TOMM40: variants seen among roughly 807,000 people sequenced by gnomAD.
TOMM40 encodes translocase of outer mitochondrial membrane 40.
In TOMM40, 9 loss-of-function variants were observed where a neutral mutation model predicts 38.4. That is an observed-to-expected ratio of 0.23 (90% CI 0.14 to 0.41). TOMM40 has a LOEUF of 0.41. Ranked by LOEUF, TOMM40 falls within the 10% of genes least tolerant of loss-of-function variation. TOMM40 has a pLI of 1.00. For missense variants in TOMM40, 299 were observed against 486.5 expected (o/e 0.61, Z 3.63); for synonymous variants, 184 against 210.0 (o/e 0.88, Z 1.07).
At chr19:44,901,001 C>T (rs1470746421) in intron 6 of TOMM40, 27 bp from the exon 7 acceptor site, 7 of 1,613,408 alleles carry the variant, frequency 4.3e-6, no homozygotes, top group Middle Eastern at 1.7e-4. Context: ...GGTAATGAGA[C>T]CCCGCCTCCA....
chr19:44,895,889 G>A (rs1307883968), intron 5 of TOMM40, among the ~76,000 whole-genome samples: 1 of 152,090 alleles, frequency 6.6e-6, no homozygotes, highest in East Asian at 1.9e-4. Context: ...CCACCGAGTT[G>A]GTTCTACCCC....
At chr19:44,896,781 A>G (rs934293296) in intron 5 of TOMM40, among the ~76,000 whole-genome samples, 2 of 152,158 alleles carry the variant, frequency 1.3e-5, no homozygotes, top group Non-Finnish European at 2.9e-5. Context: ...CAGGTCAGGC[A>G]CAGTGGCTCA....
At chr19:44,898,660 C>A (rs1969617575) in intron 5 of TOMM40, among the ~76,000 whole-genome samples, 1 of 151,594 alleles carries the variant, frequency 6.6e-6, no homozygotes, top group Admixed American at 6.6e-5. Flanking sequence ...GCCTCAGCCT[C>A]CTGAGTAGCT....
At chr19:44,895,025 C>T (rs755023992) in intron 5 of TOMM40, among the ~76,000 whole-genome samples, 1 of 152,130 alleles carries the variant, frequency 6.6e-6, no homozygotes, top group Non-Finnish European at 1.5e-5. Flanking sequence ...GGCGATGACT[C>T]TGTAGTTTTT....
Position 44,901,224 on chromosome 19 carries a change from A to T in TOMM40, c.860A>T (p.Glu287Val). The change falls in exon 8 of 9, where the codon GAG (glutamate) becomes GTG (valine). Residue 287 changes from glutamate to valine, a missense_variant. Physicochemically the swap from Glu to Val is moderately radical, Grantham distance 121. Coordinates refer to ENST00000426677, the MANE Select transcript of TOMM40 (RefSeq NM_001128917.2). Reference sequence around the variant, plus strand: ...CCCCTCCAGCTGCAGGTGGGTGTGGAGTTTGAGGCCAGCACAAGGATGCAG... The same window carrying T: ...CCCCTCCAGCTGCAGGTGGGTGTGGTGTTTGAGGCCAGCACAAGGATGCAG... ...KASDQLQVGV[E>V]FEASTRMQDT... 6.2e-7 allele frequency: 1 copy of T among 1,614,054 alleles called. No homozygotes were observed. The highest frequency in any genetic ancestry group is 8.5e-7 in the Non-Finnish European group (1 of 1,179,976).
intron 5 of TOMM40, 100 bp downstream of exon 5, chr19:44,894,166 A>G: frequency 1.1e-6 from 1 of 883,478 alleles, no homozygotes; most frequent in Non-Finnish European, 1.7e-6. Context: ...CCACTGGAGA[A>G]GTGGCTCAGC....
chr19:44,903,374 G>C lies in TOMM40; in HGVS notation c.*205G>C. 1.8e-6 allele frequency: 1 copy of C among 550,676 alleles called. No homozygotes were observed. The highest frequency in any genetic ancestry group is 3.1e-6 in the Non-Finnish European group (1 of 323,252). The allele number at this position is 550,676 out of a possible 1,614,324, so 34.1% of individuals were successfully genotyped here. A position where few individuals can be genotyped will look rare whatever the true frequency, so the allele number is the denominator to read the frequency against. ...GGCGCTTCGGGATTCTGAGTAGCAG[G>C]GGCAGCATGCCCAGTGGGCCTGGGG... is the stretch of plus-strand genomic sequence containing the variant. On this transcript the variant is annotated 3_prime_UTR_variant, in exon 9 of 9. Transcript: ENST00000426677.
Position 44,893,942 on chromosome 19 carries a change from C to T in TOMM40, c.538-19C>T. On this transcript the variant is annotated intron_variant, in intron 4 of 8. Coordinates refer to ENST00000426677, the MANE Select transcript of TOMM40 (RefSeq NM_001128917.2). ...CACCGTGAGCAGGGAGCCGCCCTCACACCCCCTCCTCTCCACAGACCCAGC... is the reference window on the plus strand; with the variant it reads ...CACCGTGAGCAGGGAGCCGCCCTCATACCCCCTCCTCTCCACAGACCCAGC... 1 of 1,593,764 alleles carries T rather than the reference C, an allele frequency of 6.3e-7. No homozygotes were observed. Among genetic ancestry groups the T allele is most frequent in the Admixed American group, 1.7e-5 (1 of 58,676 alleles).
chr19:44,896,910 G>A (rs1294549733), intron 5 of TOMM40, among the ~76,000 whole-genome samples: 2 of 152,152 alleles, frequency 1.3e-5, no homozygotes, highest in African/African-American at 4.8e-5. Flanking sequence ...TTAGAAATTA[G>A]GCATATGGTG....
At position 44,901,056 on chromosome 19, in the gene TOMM40, G is replaced by T. The variant is rs762515716; in HGVS notation, c.795G>T (p.Leu265Phe). Residue 265 changes from leucine to phenylalanine, a missense_variant, in exon 7 of 9, where the codon TTG becomes TTT. Coordinates refer to ENST00000426677, the MANE Select transcript of TOMM40 (RefSeq NM_001128917.2). Reference sequence around the variant, plus strand: ...ACAACTGGTTGGCAACGGTAACGTTGGGCCAGGCGGGCATGCACGCAACAT... The same window carrying T: ...ACAACTGGTTGGCAACGGTAACGTTTGGCCAGGCGGGCATGCACGCAACAT... ...TLNNWLATVT[L>F]GQAGMHATYY... 8 of 1,614,252 alleles carry T rather than the reference G, an allele frequency of 5.0e-6. No individual in the cohort carries two copies. In the Admixed American group the frequency reaches 1.2e-4, roughly 24 times the overall value.
At chr19:44,898,433 C>A (rs567337864) in intron 5 of TOMM40, among the ~76,000 whole-genome samples, 6 of 151,838 alleles carry the variant, frequency 4.0e-5, no homozygotes, top group Non-Finnish European at 5.9e-5. Flanking sequence ...GGAGATTGCT[C>A]GATCGTGGTG....
intron 5 of TOMM40, among the ~76,000 whole-genome samples, chr19:44,899,291 C>T (rs1255671610): frequency 1.3e-5 from 2 of 151,946 alleles, no homozygotes; most frequent in Non-Finnish European, 2.9e-5. Context: ...GGACTATAAG[C>T]ATGTGCCATC....
At chr19:44,900,587 A>G (rs981088265) in intron 5 of TOMM40, 143 bp from the exon 6 acceptor site, 2 of 1,501,412 alleles carry the variant, frequency 1.3e-6, no homozygotes, top group Non-Finnish European at 1.8e-6. Context: ...CCCCTGGGCG[A>G]TGGGTTAGGA....
At chr19:44,899,284 C>T (rs1969632359) in intron 5 of TOMM40, among the ~76,000 whole-genome samples, 1 of 151,842 alleles carries the variant, frequency 6.6e-6, no homozygotes, top group African/African-American at 2.4e-5. Flanking sequence ...GTAGCTGGGA[C>T]TATAAGCATG....
chr19:44,896,188 C>G (rs1267849338), intron 5 of TOMM40, among the ~76,000 whole-genome samples: 1 of 152,140 alleles, frequency 6.6e-6, no homozygotes, highest in Non-Finnish European at 1.5e-5. Flanking sequence ...GCTTTGGTCT[C>G]TAGTCCTTTC....
At chr19:44,899,899 T>G (rs1347389013) in intron 5 of TOMM40, among the ~76,000 whole-genome samples, 1 of 142,248 alleles carries the variant, frequency 7.0e-6, no homozygotes, top group African/African-American at 2.6e-5. Flanking sequence ...CTTCTCAGCC[T>G]CCCAAATAGC....
chr19:44,896,285 A>G (rs995831415), intron 5 of TOMM40, among the ~76,000 whole-genome samples: 1 of 152,112 alleles, frequency 6.6e-6, no homozygotes, highest in African/African-American at 2.4e-5. Flanking sequence ...TCTTGCCACC[A>G]ACAGCTCCGA....
At chr19:44,898,394 C>T (rs1171407774) in intron 5 of TOMM40, among the ~76,000 whole-genome samples, 4 of 152,116 alleles carry the variant, frequency 2.6e-5, no homozygotes, top group African/African-American at 4.8e-5. Context: ...CCCTTCTCCA[C>T]GTGTCTTCCT....
intron 7 of TOMM40, 41 bp downstream of exon 7, chr19:44,901,145 C>T: frequency 6.2e-7 from 1 of 1,613,942 alleles, no homozygotes; most frequent in Non-Finnish European, 8.5e-7. Flanking sequence ...CCAGGGGCTG[C>T]TGGGCCTGGA....
Sources: allele counts gnomAD v4.1 joint callset (sites outside exome capture counted in the v4.1 genomes callset), GRCh38; gene constraint gnomAD v4.1.1; transcripts MANE v1.5; gene names NCBI Gene and HGNC (gene_info 2026-07-23, HGNC 2026-07-21).